Variants in CCDC171 observed in about 807,000 individuals in gnomAD.
CCDC171 encodes the protein coiled-coil domain containing 171, also known as coiled-coil domain-containing protein 171.
In CCDC171, 177 loss-of-function variants were observed where a neutral mutation model predicts 168.2. The ratio of observed to expected loss-of-function variants is 1.05; its 90% confidence interval spans 0.93 to 1.19. The LOEUF is 1.19. Among genes scored for constraint, CCDC171 ranks in the 50% most tolerant of loss-of-function variants. The pLI, the probability that CCDC171 is intolerant of heterozygous loss-of-function variation, is 0.00. For synonymous variants in CCDC171, 687 were observed against 540.8 expected (o/e 1.27, Z -3.75); for missense variants, 1,991 against 1,539.0 (o/e 1.29, Z -4.91).
At chr9:16,006,677 C>T (rs1395248137) in intron 3 of CCDC171, among the ~76,000 whole-genome samples, 1 of 151,564 alleles carries the variant, frequency 6.6e-6, no homozygotes, top group Non-Finnish European at 1.5e-5. Context: ...TGAGAACATG[C>T]AGTGTTTGGT....
intron 21 of CCDC171, among the ~76,000 whole-genome samples, chr9:15,792,626 C>T (rs545953330): frequency 5.3e-5 from 8 of 152,250 alleles, no homozygotes; most frequent in East Asian, 1.9e-4. Context: ...GCGGATCTCT[C>T]GGCAGAAACT....
chr9:15,727,858 T>C lies in CCDC171; in HGVS notation c.1693-11T>C, dbSNP rs768917527. The C allele has an allele frequency of 1.3e-6, 2 of 1,596,242 alleles. No homozygotes were observed. Among genetic ancestry groups the C allele is most frequent in the Admixed American group, 3.6e-5 (2 of 56,240 alleles). Reference sequence around the variant, plus strand: ...ATACAGCAATTAATTTTTCTTTTTTTTTTCCTGCAGGAGAAGCTAACCTTC... The same window carrying C: ...ATACAGCAATTAATTTTTCTTTTTTCTTTCCTGCAGGAGAAGCTAACCTTC... On this transcript the variant is annotated splice_polypyrimidine_tract_variant and intron_variant, in intron 14 of 25. Coordinates refer to ENST00000380701, the MANE Select transcript of CCDC171 (RefSeq NM_173550.4).
intron 3 of CCDC171, among the ~76,000 whole-genome samples, chr9:16,010,091 G>A (rs192235692): frequency 3.6e-3 from 548 of 152,168 alleles, no homozygotes; most frequent in Non-Finnish European, 7.1e-3. Context: ...ACATAGAGTA[G>A]AAACTTAAAC....
chr9:15,642,343 G>GTGCA (rs1369419679), intron 7 of CCDC171, among the ~76,000 whole-genome samples: 1 of 107,570 alleles, frequency 9.3e-6, no homozygotes, highest in Non-Finnish European at 1.8e-5. Context: ...GTGTGTGTGT[G>GTGCA]TATATATATA....
At chr9:16,043,317 A>T (rs906023873) in intron 1 of CCDC171, among the ~76,000 whole-genome samples, 1 of 152,122 alleles carries the variant, frequency 6.6e-6, no homozygotes, top group African/African-American at 2.4e-5. Flanking sequence ...TTGTTCTTAT[A>T]TCTTGGATGA....
chr9:16,065,867 A>G (rs913471926), downstream of CCDC171, among the ~76,000 whole-genome samples: 3 of 151,570 alleles, frequency 2.0e-5, no homozygotes, highest in African/African-American at 7.3e-5. Flanking sequence ...GGCAACACAT[A>G]TAAAGACCAC....
intron 21 of CCDC171, among the ~76,000 whole-genome samples, chr9:15,795,733 A>T (rs1226949206): frequency 3.9e-5 from 6 of 152,164 alleles, no homozygotes; most frequent in Non-Finnish European, 8.8e-5. Flanking sequence ...TGGATGAGAA[A>T]ATCTCTGCCT....
At chr9:16,095,899 T>TATATATATATATAC in the CCDC171 span, among the ~76,000 whole-genome samples, 13 of 140,198 alleles carry the variant, frequency 9.3e-5, no homozygotes, top group African/African-American at 3.5e-4. Context: ...TATATATATA[T>TATATATATATATAC]ACTGCCTCCA....
chr9:15,744,781 A>G lies in CCDC171; in HGVS notation c.2554+4A>G, dbSNP rs754283520. ...CAAGACAAGCATAAATTTCCAAGTA[A>G]GATAATTTCTGCTTTTAAAAATATA... On this transcript the variant is annotated splice_donor_region_variant and intron_variant, in intron 17 of 25. Coordinates refer to ENST00000380701, the MANE Select transcript of CCDC171 (RefSeq NM_173550.4). The G allele has an allele frequency of 6.2e-7, 1 of 1,603,864 alleles. No homozygotes were observed. The highest frequency in any genetic ancestry group is 1.1e-5 in the South Asian group (1 of 89,608).
chr9:15,877,530 T>C (rs1818014738), intron 24 of CCDC171, among the ~76,000 whole-genome samples: 1 of 152,174 alleles, frequency 6.6e-6, no homozygotes, highest in African/African-American at 2.4e-5. Flanking sequence ...TAGCTTCTTA[T>C]TTACTTTTCC....
intron 7 of CCDC171, among the ~76,000 whole-genome samples, chr9:15,631,347 C>G (rs975776813): frequency 6.6e-6 from 1 of 152,094 alleles, no homozygotes; most frequent in Non-Finnish European, 1.5e-5. Context: ...GATATCACCA[C>G]CGATCCCACA....
chr9:15,576,595 A>G (rs1344169036), intron 3 of CCDC171, among the ~76,000 whole-genome samples: 2 of 152,172 alleles, frequency 1.3e-5, no homozygotes, highest in Admixed American at 6.5e-5. Context: ...AAGTGTTTGT[A>G]TTATGCCAGG....
chr9:15,717,540 A>G (rs1224855130), intron 11 of CCDC171, among the ~76,000 whole-genome samples: 2 of 152,172 alleles, frequency 1.3e-5, no homozygotes, highest in African/African-American at 4.8e-5. Context: ...CCACCTCCAG[A>G]TTCAGGCAGC....
At chr9:15,557,621 C>T (rs892149073) in intron 1 of CCDC171, among the ~76,000 whole-genome samples, 1 of 152,136 alleles carries the variant, frequency 6.6e-6, no homozygotes, top group South Asian at 2.1e-4. Flanking sequence ...TGCTTATCAG[C>T]TTAAGGAGAT....
intron 6 of CCDC171, among the ~76,000 whole-genome samples, chr9:16,027,157 T>C (rs1833290917): frequency 6.6e-6 from 1 of 152,254 alleles, no homozygotes; most frequent in African/African-American, 2.4e-5. Context: ...AGCACAAATG[T>C]TTAATTAATC....
At chr9:15,653,223 T>A (rs1237012904) in intron 7 of CCDC171, among the ~76,000 whole-genome samples, 1 of 152,186 alleles carries the variant, frequency 6.6e-6, no homozygotes, top group Non-Finnish European at 1.5e-5. Flanking sequence ...CACTGCAGCC[T>A]TGATTTCCTG....
intron 24 of CCDC171, among the ~76,000 whole-genome samples, chr9:15,888,727 T>G (rs1819775625): frequency 6.6e-6 from 1 of 152,078 alleles, no homozygotes; most frequent in Non-Finnish European, 1.5e-5. Context: ...AATTTTGTTA[T>G]AACACAGGAG....
Position 15,777,705 on chromosome 9 carries a change from A to C in CCDC171, c.2777A>C (p.His926Pro). The C allele has an allele frequency of 6.2e-7, 1 of 1,613,790 alleles. No homozygotes were observed. The highest frequency in any genetic ancestry group is 8.5e-7 in the Non-Finnish European group (1 of 1,179,720). ...ISLVMECIPL[H>P]SSRSITYVEK... ...CTGGTAATGGAATGTATACCTCTGC[A>C]CAGTAGCAGGAGTATTACATATGTA... Residue 926 changes from histidine to proline, a missense_variant, in exon 19 of 26, where the codon CAC becomes CCC. Physicochemically the swap from His to Pro is moderately conservative, Grantham distance 77. Coordinates refer to ENST00000380701, the MANE Select transcript of CCDC171 (RefSeq NM_173550.4).
At chr9:15,571,854 T>C in intron 3 of CCDC171, 95 bp downstream of exon 3, 1 of 1,116,512 alleles carries the variant, frequency 9.0e-7, no homozygotes, top group Non-Finnish European at 1.3e-6. Context: ...CCTTTATAAC[T>C]ATACCATTCT....
Sources: gnomAD v4.1 joint callset for allele counts (sites outside exome capture counted in the v4.1 genomes callset) on GRCh38, gnomAD v4.1.1 for gene constraint, MANE v1.5 for transcripts, NCBI Gene and HGNC (gene_info 2026-07-23, HGNC 2026-07-21) for gene names.